Variants in TMEM200A observed in about 807,000 individuals in gnomAD.
TMEM200A encodes the protein two transmembrane C.
Under a neutral mutation model 24.3 loss-of-function variants are expected in TMEM200A, and 12 were observed. The ratio of observed to expected loss-of-function variants is 0.49; its 90% confidence interval spans 0.32 to 0.80. The LOEUF (loss-of-function observed/expected upper bound fraction) is 0.80. TMEM200A is among the 30% of genes least tolerant of loss of function. The pLI, the probability that TMEM200A is intolerant of heterozygous loss-of-function variation, is 0.04. For missense variants in TMEM200A, 545 were observed against 614.4 expected (o/e 0.89, Z 1.19); for synonymous variants, 224 against 224.4 (o/e 1.00, Z 0.02).
chr6:130,422,842 TTATA>T (rs1443287676), intron 2 of TMEM200A, among the ~76,000 whole-genome samples: 2 of 152,192 alleles, frequency 1.3e-5, no homozygotes, highest in African/African-American at 4.8e-5. Flanking sequence ...AGTGTTCTTA[TTATA>T]TTTCTGGTAT....
In TMEM200A at chr6:130,441,073, G is replaced by GAGCAGTTTTCGA. The variant is rs755006266; in HGVS notation, c.653_664dup (p.Ser218_Arg221dup). The stretch of plus-strand genomic sequence containing the variant: ...CGATCGCCTCTTTCTCGGGTTTTCG[G>GAGCAGTTTTCGA]AGCAGTTTTCGAATGGACAGCTCCG... On this transcript the variant is annotated inframe_insertion, in exon 3 of 3. Coordinates refer to ENST00000296978, the MANE Select transcript of TMEM200A (RefSeq NM_001258277.2). 5 of 1,613,896 alleles carry GAGCAGTTTTCGA rather than the reference G, an allele frequency of 3.1e-6. No individual in the cohort carries two copies. Among genetic ancestry groups the GAGCAGTTTTCGA allele is most frequent in the Non-Finnish European group, 4.2e-6 (5 of 1,180,000 alleles).
intron 2 of TMEM200A, chr6:130,439,542 G>A (rs1780101986): frequency 1.3e-5 from 2 of 152,266 alleles, no homozygotes; most frequent in African/African-American, 2.4e-5. Flanking sequence ...AGTGGAAAGT[G>A]TGAAATTGAA....
In TMEM200A at chr6:130,441,741, T is replaced by C. The variant is rs536436049; in HGVS notation, c.1319T>C (p.Met440Thr). ...YMKLENKEDP[M>T]DRLLVPQVAI... Reference sequence around the variant, plus strand: ...AAACTAGAGAACAAAGAAGACCCGATGGATAGGTTGCTTGTGCCCCAAGTT... The same window carrying C: ...AAACTAGAGAACAAAGAAGACCCGACGGATAGGTTGCTTGTGCCCCAAGTT... Residue 440 changes from methionine to threonine, a missense_variant, in exon 3 of 3, where the codon ATG becomes ACG. Transcript: ENST00000296978. 257 of 1,614,040 alleles carry C rather than the reference T, an allele frequency of 1.6e-4. 5 individuals are homozygous for C. In the South Asian group the frequency reaches 2.7e-3, roughly 17 times the overall value.
Position 130,442,117 on chromosome 6 carries a change from T to C in TMEM200A, c.*219T>C. The C allele has an allele frequency of 2.4e-6, 1 of 410,730 alleles. No homozygotes were observed. Among genetic ancestry groups the C allele is most frequent in the Non-Finnish European group, 4.5e-6 (1 of 223,836 alleles). The allele number at this position is 410,730 out of a possible 1,614,324, so 25.4% of individuals were successfully genotyped here. ...ACATGATTTTATTTTTCTCTTCCTT[T>C]GAAAGCATGATCTCTTTTATTAATA... On this transcript the variant is annotated 3_prime_UTR_variant, in exon 3 of 3. Coordinates refer to ENST00000296978, the MANE Select transcript of TMEM200A (RefSeq NM_001258277.2).
At chr6:130,434,389 C>T (rs560134110) in intron 2 of TMEM200A, among the ~76,000 whole-genome samples, 34 of 152,268 alleles carry the variant, frequency 2.2e-4, no homozygotes, top group African/African-American at 7.7e-4. Context: ...ATGGCTGGAT[C>T]CAAAGATGTC....
At chr6:130,410,742 A>C (rs930382446) in intron 2 of TMEM200A, among the ~76,000 whole-genome samples, 1 of 152,222 alleles carries the variant, frequency 6.6e-6, no homozygotes, top group Non-Finnish European at 1.5e-5. Context: ...AATTCTGATA[A>C]GATTGGATTT....
rs750311669 is a variant in TMEM200A, at chr6:130,440,511, C to G, written c.89C>G (p.Pro30Arg). The change falls in exon 3 of 3, where the codon CCG becomes CGG. Residue 30 changes from proline to arginine, a missense_variant. Pro to Arg is a moderately radical substitution (Grantham distance 103). Coordinates refer to ENST00000296978, the MANE Select transcript of TMEM200A (RefSeq NM_001258277.2). The stretch of plus-strand genomic sequence containing the variant: ...TCACAGCAGCATGTCAACCTCAGCC[C>G]GTCTCCTGCTACCCAAGAGAAGAAG... Reference protein sequence around the residue: ...ARSQQHVNLSPSPATQEKKPI... With the variant: ...ARSQQHVNLSRSPATQEKKPI... 2.3e-5 allele frequency: 37 copies of G among 1,613,936 alleles called. No homozygotes were observed. The highest frequency in any genetic ancestry group is 2.9e-5 in the Non-Finnish European group (34 of 1,179,948).
intron 2 of TMEM200A, among the ~76,000 whole-genome samples, chr6:130,416,138 A>T (rs1034463753): frequency 6.6e-6 from 1 of 152,192 alleles, no homozygotes; most frequent in Non-Finnish European, 1.5e-5. Context: ...TTATCAAATA[A>T]ATGATGCTGT....
At position 130,440,447 on chromosome 6, in the gene TMEM200A, A is replaced by T; in HGVS notation, c.25A>T (p.Thr9Ser). 6.3e-7 allele frequency: 1 copy of T among 1,589,198 alleles called. No individual in the cohort carries two copies. Among genetic ancestry groups the T allele is most frequent in the Non-Finnish European group, 8.6e-7 (1 of 1,169,570 alleles). ...TATGATAGCAACTGGTGGAGTGATA[A>T]CTGGCCTGGCCGCCTTGAAAAGGCA... MIATGGVI[T>S]GLAALKRQDS... Residue 9 changes from threonine to serine, a missense_variant, in exon 3 of 3, where the codon ACT (threonine) becomes TCT (serine). By Grantham distance (58) the Thr-to-Ser change is moderately conservative. Coordinates refer to ENST00000296978, the MANE Select transcript of TMEM200A (RefSeq NM_001258277.2).
intron 2 of TMEM200A, among the ~76,000 whole-genome samples, chr6:130,405,077 A>G (rs1779175436): frequency 6.6e-6 from 1 of 152,132 alleles, no homozygotes; most frequent in African/African-American, 2.4e-5. Flanking sequence ...GTTTGAAGTC[A>G]GGTAGGGTAG....
intron 2 of TMEM200A, among the ~76,000 whole-genome samples, chr6:130,435,364 C>G (rs1226557799): frequency 6.6e-6 from 1 of 152,092 alleles, no homozygotes; most frequent in African/African-American, 2.4e-5. Context: ...GTGTGGCTGG[C>G]CTTCTAGTTA....
chr6:130,397,973 C>A (rs1203655716), intron 2 of TMEM200A, among the ~76,000 whole-genome samples: 3 of 151,040 alleles, frequency 2.0e-5, no homozygotes, highest in Non-Finnish European at 4.4e-5. Flanking sequence ...TCTTTTTTCT[C>A]TCTCAACTTT....
chr6:130,381,945 G>C (rs1778607526), intron 1 of TMEM200A: 3 of 985,268 alleles, frequency 3.0e-6, no homozygotes, highest in Non-Finnish European at 3.6e-6. Flanking sequence ...GTTCACTCCA[G>C]AACACACTGC....
At chr6:130,422,077 G>A (rs1779605715) in intron 2 of TMEM200A, among the ~76,000 whole-genome samples, 1 of 152,156 alleles carries the variant, frequency 6.6e-6, no homozygotes, top group African/African-American at 2.4e-5. Flanking sequence ...ATACACAGAA[G>A]AGAGATTGCT....
At chr6:130,437,228 T>C (rs1028514790) in intron 2 of TMEM200A, 1 of 152,394 alleles carries the variant, frequency 6.6e-6, no homozygotes, top group African/African-American at 2.4e-5. Context: ...GCTGGCCAAG[T>C]TCCTATTCCT....
chr6:130,373,985 G>A (rs1326966345), intron 1 of TMEM200A, among the ~76,000 whole-genome samples: 1 of 151,992 alleles, frequency 6.6e-6, no homozygotes, highest in Non-Finnish European at 1.5e-5. Flanking sequence ...TTAGAATGTA[G>A]ACTATGTAAG....
intron 2 of TMEM200A, among the ~76,000 whole-genome samples, chr6:130,410,745 T>C (rs945081355): frequency 2.6e-5 from 4 of 152,322 alleles, no homozygotes; most frequent in Middle Eastern, 3.4e-3. Context: ...TCTGATAAGA[T>C]TGGATTTAGG....
chr6:130,371,773 A>G (rs1425420439), intron 1 of TMEM200A, among the ~76,000 whole-genome samples: 2 of 152,202 alleles, frequency 1.3e-5, no homozygotes, highest in Non-Finnish European at 2.9e-5. Flanking sequence ...GATCAATAGA[A>G]CAACTGGAGT....
intron 2 of TMEM200A, among the ~76,000 whole-genome samples, chr6:130,430,688 ATTCT>A (rs1300125578): frequency 6.6e-6 from 1 of 152,138 alleles, no homozygotes; most frequent in African/African-American, 2.4e-5. Context: ...GGAATAGATC[ATTCT>A]TTCTGTGAGT....
Sources: allele counts gnomAD v4.1 joint callset (sites outside exome capture counted in the v4.1 genomes callset), GRCh38; gene constraint gnomAD v4.1.1; transcripts MANE v1.5; gene names NCBI Gene and HGNC (gene_info 2026-07-23, HGNC 2026-07-21).